Variants in YEATS4 observed in about 807,000 individuals in gnomAD.
The protein encoded by YEATS4 is YEATS domain containing 4.
A neutral mutation model predicts 30.1 loss-of-function variants in YEATS4; 17 were observed. The ratio of observed to expected loss-of-function variants is 0.56; its 90% CI spans 0.39 to 0.85. The LOEUF is 0.85. Among genes scored for constraint, YEATS4 ranks in the 40% least tolerant of loss-of-function variants. The pLI, the probability that YEATS4 is intolerant of heterozygous loss-of-function variation, is 0.00. For synonymous variants in YEATS4, 85 were observed against 87.5 expected, an observed-to-expected ratio of 0.97 and a Z score of 0.16; for missense variants, 142 against 268.3, an observed-to-expected ratio of 0.53 and a Z score of 3.29.
chr12:69,390,130 G>A lies in YEATS4; in HGVS notation c.515-17G>A, dbSNP rs1355744658. 6.4e-7 allele frequency: 1 copy of A among 1,564,646 alleles called. No individual in the cohort carries two copies. Among genetic ancestry groups the A allele is most frequent in the South Asian group, 1.2e-5 (1 of 82,858 alleles). ...ATGTGAGAAAAATACTTTAGTAAAA[G>A]TATTTGTTTTCTTTAGTTGCAGAGC... On this transcript the variant is annotated splice_polypyrimidine_tract_variant and intron_variant, in intron 6 of 6. Coordinates refer to ENST00000247843, the MANE Select transcript of YEATS4 (RefSeq NM_006530.4).
the YEATS4 span, among the ~76,000 whole-genome samples, chr12:69,397,492 T>TA: frequency 6.6e-6 from 1 of 152,150 alleles, no homozygotes; most frequent in Non-Finnish European, 1.5e-5. Context: ...AGATAGTGAA[T>TA]AAGTCTCATG....
the YEATS4 span, among the ~76,000 whole-genome samples, chr12:69,404,159 A>G: frequency 6.6e-6 from 1 of 152,146 alleles, no homozygotes; most frequent in Non-Finnish European, 1.5e-5. Flanking sequence ...TAGACTCTCC[A>G]TTCTGTTACC....
chr12:69,422,630 C>CAAAAAAAAA, the YEATS4 span: 1 of 40,492 alleles, frequency 2.5e-5, no homozygotes, highest in Non-Finnish European at 4.6e-5. Flanking sequence ...GACCCTGTCT[C>CAAAAAAAAA]AAAAAAAAAA....
chr12:69,423,585 T>A, the YEATS4 span, among the ~76,000 whole-genome samples: 1 of 152,056 alleles, frequency 6.6e-6, no homozygotes, highest in African/African-American at 2.4e-5. Context: ...TGAAACAGAG[T>A]GCCTTGGCAG....
At chr12:69,382,124 C>G (rs1003799638) in intron 6 of YEATS4, among the ~76,000 whole-genome samples, 1 of 152,230 alleles carries the variant, frequency 6.6e-6, no homozygotes, top group African/African-American at 2.4e-5. Flanking sequence ...CATGAATAAT[C>G]AGTCTCATTA....
At chr12:69,363,062 A>G (rs919925637) in intron 2 of YEATS4, 155 bp downstream of exon 2, 11 of 522,886 alleles carry the variant, frequency 2.1e-5, no homozygotes, top group South Asian at 9.0e-5. Flanking sequence ...GCGCGATCTC[A>G]GCTCACTGCA....
the YEATS4 span, among the ~76,000 whole-genome samples, chr12:69,407,839 C>T: frequency 2.0e-5 from 3 of 151,140 alleles, no homozygotes; most frequent in Non-Finnish European, 4.4e-5. Flanking sequence ...GCCTCAGCCC[C>T]CTGAGTAGCT....
At chr12:69,385,036 G>A (rs1876216530) in intron 6 of YEATS4, among the ~76,000 whole-genome samples, 1 of 152,102 alleles carries the variant, frequency 6.6e-6, no homozygotes, top group African/African-American at 2.4e-5. Context: ...CCTAGAGACA[G>A]GTTCTCGCTC....
At chr12:69,397,180 G>A in the YEATS4 span, among the ~76,000 whole-genome samples, 4 of 152,058 alleles carry the variant, frequency 2.6e-5, no homozygotes, top group African/African-American at 7.2e-5. Context: ...AGGTTGGTTC[G>A]GCATATACAA....
chr12:69,398,889 G>A, the YEATS4 span, among the ~76,000 whole-genome samples: 128 of 151,152 alleles, frequency 8.5e-4, no homozygotes, highest in African/African-American at 2.9e-3. Context: ...GGTGGCTCAC[G>A]CCTGTAATCC....
rs1592862917 is a variant in YEATS4, at chr12:69,390,682, T to C, written c.*366T>C. ...TTTTGTACTTCTTTAGTGGCTAGAA[T>C]TAGTGAAGAAACTTAATGTGTATAT... On this transcript the variant is annotated 3_prime_UTR_variant, in exon 7 of 7. Coordinates refer to ENST00000247843, the MANE Select transcript of YEATS4 (RefSeq NM_006530.4). 6.5e-6 allele frequency: 1 copy of C among 154,062 alleles called. No homozygotes were observed. Among genetic ancestry groups the C allele is most frequent in the Non-Finnish European group, 1.4e-5 (1 of 69,122 alleles). The allele number at this position is 154,062 out of a possible 1,614,324, so 9.5% of individuals were successfully genotyped here.
chr12:69,424,810 T>A, the YEATS4 span, among the ~76,000 whole-genome samples: 6 of 152,228 alleles, frequency 3.9e-5, no homozygotes, highest in Non-Finnish European at 4.4e-5. Context: ...GAACTCTGAG[T>A]TAATTAAACC....
In YEATS4 at chr12:69,370,881, C is replaced by G. The variant is rs767937217; in HGVS notation, c.427-7C>G. On this transcript the variant is annotated splice_region_variant and splice_polypyrimidine_tract_variant and intron_variant, in intron 5 of 6. Coordinates refer to ENST00000247843, the MANE Select transcript of YEATS4 (RefSeq NM_006530.4). Reference sequence around the variant, plus strand: ...TTATTGGGTTTTTGTTCATTTTATCCCATTAGATATTTCAAGACCCAACAG... The same window carrying G: ...TTATTGGGTTTTTGTTCATTTTATCGCATTAGATATTTCAAGACCCAACAG... The G allele has an allele frequency of 6.2e-7, 1 of 1,610,710 alleles. No individual in the cohort carries two copies. The highest frequency in any genetic ancestry group is 8.5e-7 in the Non-Finnish European group (1 of 1,178,870).
rs1868302095 is a variant in YEATS4, at chr12:69,390,311, A to G, written c.679A>G (p.Ile227Val). The change falls in exon 7 of 7, where the codon ATA becomes GTA. Residue 227 changes from isoleucine to valine, a missense_variant. By Grantham distance (29) the Ile-to-Val change is conservative (BLOSUM62 3). Around this residue, in one of 3 missense-constraint regions of YEATS4, gnomAD observed 53 missense variants for 68.6 expected, o/e 0.77. Transcript: ENST00000247843. ...TGAAGAAGATGACCAAGCAAAAGACATATAAACAGTTCTCATGAGAACTTG... is the reference window on the plus strand; with the variant it reads ...TGAAGAAGATGACCAAGCAAAAGACGTATAAACAGTTCTCATGAGAACTTG... ...KLEEDDQAKD[I>V] 6.3e-7 allele frequency: 1 copy of G among 1,576,426 alleles called. No homozygotes were observed. The highest frequency in any genetic ancestry group is 2.1e-5 in the Admixed American group (1 of 48,460).
the YEATS4 span, among the ~76,000 whole-genome samples, chr12:69,396,144 G>A: frequency 2.0e-5 from 3 of 152,028 alleles, no homozygotes; most frequent in Non-Finnish European, 2.9e-5. Flanking sequence ...CCCTCAACAC[G>A]GCTTCATTGC....
At chr12:69,397,158 C>G in the YEATS4 span, among the ~76,000 whole-genome samples, 1 of 152,178 alleles carries the variant, frequency 6.6e-6, no homozygotes, top group African/African-American at 2.4e-5. Flanking sequence ...TGGGATTTAT[C>G]TCAGGAATGC....
intron 6 of YEATS4, among the ~76,000 whole-genome samples, chr12:69,387,661 C>G (rs746792942): frequency 6.6e-6 from 1 of 152,172 alleles, no homozygotes; most frequent in Non-Finnish European, 1.5e-5. Context: ...TTAAGTGAAA[C>G]AGCAAGGTGC....
In YEATS4 at chr12:69,359,803, C is replaced by G; in HGVS notation, c.-170C>G. On this transcript the variant is annotated 5_prime_UTR_variant, in exon 1 of 7. Transcript: ENST00000247843. ...AATGGCCTTCAGGAGCACAGTCGGC[C>G]TGAGGAGTTGACGGTTACTCACCGC... The G allele has an allele frequency of 1.4e-6, 1 of 722,518 alleles. No homozygotes were observed. The highest frequency in any genetic ancestry group is 1.9e-5 in the South Asian group (1 of 52,618). 44.8% of individuals were successfully genotyped at this position (722,518 alleles called of 1,614,324 possible).
intron 2 of YEATS4, among the ~76,000 whole-genome samples, chr12:69,363,815 A>G (rs544644052): frequency 4.6e-5 from 7 of 152,350 alleles, no homozygotes; most frequent in African/African-American, 1.4e-4. Context: ...TTGTCTATCA[A>G]CTGATGAATG....
Sources: allele counts gnomAD v4.1 joint callset (sites outside exome capture counted in the v4.1 genomes callset), GRCh38; gene constraint gnomAD v4.1.1; regional missense constraint gnomAD v4.1.1; transcripts MANE v1.5; gene names NCBI Gene and HGNC (gene_info 2026-07-23, HGNC 2026-07-21).